Variants in KANTR observed in about 807,000 individuals in gnomAD.
KANTR encodes the protein KDM5C adjacent transcript.
intron 2 of KANTR, among the ~76,000 whole-genome samples, chrX:53,104,085 G>T (rs1932918254): frequency 9.1e-6 from 1 of 110,373 alleles, no homozygotes; most frequent in Non-Finnish European, 1.9e-5. Context: ...TATTGCCCAG[G>T]CTGGACTTGA....
intron 2 of KANTR, among the ~76,000 whole-genome samples, chrX:53,116,124 T>C (rs1444962093): frequency 1.8e-5 from 2 of 112,017 alleles, no homozygotes; most frequent in African/African-American, 6.5e-5. Context: ...CCTTTTTTCT[T>C]TTCAGTTCTT....
At position 53,139,729 on chromosome X, in the gene KANTR, G is replaced by A. The variant is rs781916855; in HGVS notation, n.204-2119G>A. ...CATCCTAGCTACTTTGGGAGGCTAA[G>A]GTGGGAGGATCACATGAGCCCAGTA... On this transcript the variant is annotated intron_variant and non_coding_transcript_variant, in intron 2 of 2. Coordinates refer to the KANTR transcript ENST00000366185. Among the ~76,000 whole-genome samples the A allele has an allele frequency of 5.4e-5, 6 of 111,817 alleles. No homozygotes were observed. In the South Asian group the frequency reaches 2.2e-3, roughly 42 times the overall value.
chrX:53,105,920 C>T (rs1362794851), intron 2 of KANTR, among the ~76,000 whole-genome samples: 5 of 88,132 alleles, frequency 5.7e-5, no homozygotes, highest in Non-Finnish European at 1.1e-4. Flanking sequence ...TGCAGTGGCG[C>T]GATCTCGGCT....
At chrX:53,138,399 A>G (rs1569241262) in intron 2 of KANTR, among the ~76,000 whole-genome samples, 1 of 106,981 alleles carries the variant, frequency 9.3e-6, no homozygotes. Flanking sequence ...GCTGTGGTTC[A>G]CGCCTGTAAT....
chrX:53,109,259 C>T (rs899842536), intron 2 of KANTR, among the ~76,000 whole-genome samples: 18 of 111,616 alleles, frequency 1.6e-4, no homozygotes, highest in Admixed American at 6.7e-4. Context: ...TAAATTTATT[C>T]CTAAGTTTGT....
At chrX:53,115,584 C>G (rs1602120099) in intron 2 of KANTR, among the ~76,000 whole-genome samples, 1 of 112,866 alleles carries the variant, frequency 8.9e-6, no homozygotes, top group African/African-American at 3.2e-5. Context: ...CCTGGAGGCT[C>G]GGTCTGCAGG....
At chrX:53,142,135 C>G (rs1299709541) in exon 3 of KANTR, 10 of 122,951 alleles carry the variant, frequency 8.1e-5, no homozygotes, top group African/African-American at 3.2e-4. Flanking sequence ...TTACCTCAGC[C>G]ACAAAGTGCC....
chrX:53,146,728 C>T (rs1556819400), downstream of KANTR, among the ~76,000 whole-genome samples: 4 of 111,794 alleles, frequency 3.6e-5, no homozygotes, highest in Admixed American at 2.9e-4. Flanking sequence ...AGAGAAAGGT[C>T]GGGTTACCCA....
intron 2 of KANTR, among the ~76,000 whole-genome samples, chrX:53,133,546 C>T (rs1556817279): frequency 1.8e-5 from 2 of 111,471 alleles, no homozygotes; most frequent in South Asian, 7.6e-4. Context: ...CTGGCGCAGA[C>T]GGTCTGTACT....
At chrX:53,100,902 C>T (rs982866244) in intron 2 of KANTR, among the ~76,000 whole-genome samples, 3 of 112,823 alleles carry the variant, frequency 2.7e-5, no homozygotes, top group African/African-American at 9.6e-5. Context: ...GCAGTTTCAC[C>T]TTGCACTTTT....
At chrX:53,122,188 G>C (rs897169244) in intron 2 of KANTR, among the ~76,000 whole-genome samples, 2 of 111,945 alleles carry the variant, frequency 1.8e-5, no homozygotes, top group African/African-American at 6.5e-5. Flanking sequence ...ACTCTTGCCA[G>C]TTGGCTCCTG....
chrX:53,138,705 TAA>T (rs781934985), intron 2 of KANTR, among the ~76,000 whole-genome samples: 9 of 92,541 alleles, frequency 9.7e-5, no homozygotes, highest in Admixed American at 1.2e-4. Context: ...AATTCTGTCT[TAA>T]AAAAAAAAAA....
At chrX:53,136,817 T>C (rs1933432173) in intron 2 of KANTR, among the ~76,000 whole-genome samples, 1 of 91,959 alleles carries the variant, frequency 1.1e-5, no homozygotes. Flanking sequence ...AATCTCGGCT[T>C]ACCGCAACCT....
intron 2 of KANTR, among the ~76,000 whole-genome samples, chrX:53,105,692 G>T (rs1932942355): frequency 9.6e-6 from 1 of 103,726 alleles, no homozygotes; most frequent in Non-Finnish European, 2.0e-5. Context: ...GTAGAGATGG[G>T]GTTTCCTGTG....
intron 2 of KANTR, among the ~76,000 whole-genome samples, chrX:53,137,535 C>T (rs915725731): frequency 4.5e-5 from 5 of 111,167 alleles, no homozygotes; most frequent in African/African-American, 9.8e-5. Context: ...GAGGCTGAGG[C>T]GAGCAGATCA....
exon 3 of KANTR, chrX:53,126,596 A>G (rs1031558274): frequency 2.7e-5 from 3 of 111,697 alleles, no homozygotes; most frequent in Non-Finnish European, 5.7e-5. Flanking sequence ...TTGCTTGGTC[A>G]TCTTAGTGAT....
At chrX:53,122,287 C>T (rs1933235559) in intron 2 of KANTR, among the ~76,000 whole-genome samples, 1 of 111,894 alleles carries the variant, frequency 8.9e-6, no homozygotes, top group African/African-American at 3.2e-5. Context: ...CTTGTATTTT[C>T]CTCTCTTAGT....
chrX:53,145,858 C>A (rs1244514102), downstream of KANTR, among the ~76,000 whole-genome samples: 4 of 112,233 alleles, frequency 3.6e-5, no homozygotes, highest in Non-Finnish European at 7.5e-5. Context: ...TGCTGTTCTG[C>A]AGCCTCTGCT....
chrX:53,122,029 G>C (rs1255400619), intron 2 of KANTR, among the ~76,000 whole-genome samples: 1 of 112,349 alleles, frequency 8.9e-6, no homozygotes, highest in Non-Finnish European at 1.9e-5. Context: ...AAATTCTTCT[G>C]TAAAGATTTG....
Sources: allele counts gnomAD v4.1 joint callset (sites outside exome capture counted in the v4.1 genomes callset), GRCh38; gene constraint gnomAD v4.1.1; transcripts MANE v1.5; gene names NCBI Gene and HGNC (gene_info 2026-07-23, HGNC 2026-07-21).